Variants in NBEA observed in about 807,000 individuals in gnomAD.
NBEA encodes the protein lysosomal-trafficking regulator 2.
Under a neutral mutation model 343.4 loss-of-function variants are expected in NBEA, and 44 were observed. The observed-to-expected ratio is 0.13, with a 90% CI of 0.10 to 0.16. The LOEUF (loss-of-function observed/expected upper bound fraction) is 0.16, where lower values mean the gene tolerates loss of function less well. Ranked by LOEUF, NBEA falls within the 10% of genes least tolerant of loss-of-function variation. The pLI is 1.00. For synonymous variants in NBEA, 1,175 were observed against 1,238.7 expected (o/e 0.95, Z 1.08); for missense variants, 2,555 against 3,631.3 (o/e 0.70, Z 7.62).
chr13:35,241,174 C>T (rs1020525490), intron 34 of NBEA, among the ~76,000 whole-genome samples: 1 of 151,710 alleles, frequency 6.6e-6, no homozygotes, highest in East Asian at 1.9e-4. Flanking sequence ...ATGAAAAAAT[C>T]GAGTAATTTT....
chr13:35,250,922 A>C (rs1173029563), intron 34 of NBEA: 3 of 152,318 alleles, frequency 2.0e-5, no homozygotes, highest in Admixed American at 2.0e-4. Context: ...TATAAATGCC[A>C]ATCAAGATGA....
intron 36 of NBEA, among the ~76,000 whole-genome samples, chr13:35,315,665 A>G (rs561621485): frequency 6.6e-6 from 1 of 152,258 alleles, no homozygotes; most frequent in South Asian, 2.1e-4. Flanking sequence ...TTTAGCACTG[A>G]ATTTAAGCTA....
chr13:35,244,250 T>C (rs2030824466), intron 34 of NBEA, among the ~76,000 whole-genome samples: 1 of 151,868 alleles, frequency 6.6e-6, no homozygotes. Context: ...CAACATATTT[T>C]GAATATGCCA....
intron 39 of NBEA, among the ~76,000 whole-genome samples, chr13:35,439,272 A>G (rs942581434): frequency 2.6e-5 from 4 of 152,244 alleles, no homozygotes; most frequent in African/African-American, 7.2e-5. Context: ...AGTCCAGTGG[A>G]AAGGAATAAA....
chr13:35,380,810 C>G (rs9530522), intron 38 of NBEA, among the ~76,000 whole-genome samples: 146,118 of 152,216 alleles, frequency 0.96, 70,304 homozygotes, highest in Non-Finnish European at 1. Context: ...CAGTACACTG[C>G]AGTATGATAA....
intron 33 of NBEA, among the ~76,000 whole-genome samples, chr13:35,225,106 G>T (rs1024158936): frequency 6.6e-6 from 1 of 152,078 alleles, no homozygotes; most frequent in Admixed American, 6.6e-5. Flanking sequence ...ACACTATGTA[G>T]TCCCTTCTGC....
chr13:35,067,506 T>C (rs187487563), intron 8 of NBEA, among the ~76,000 whole-genome samples: 92 of 152,276 alleles, frequency 6.0e-4, no homozygotes, highest in African/African-American at 2.1e-3. Flanking sequence ...ATTATTTTTT[T>C]ATAAACTTAC....
At chr13:35,006,427 G>T (rs1253841651) in intron 1 of NBEA, among the ~76,000 whole-genome samples, 1 of 151,904 alleles carries the variant, frequency 6.6e-6, no homozygotes, top group East Asian at 1.9e-4. Context: ...CCCAAATTCA[G>T]TGCTATTGTT....
At chr13:35,476,036 A>G (rs1566190521) in intron 41 of NBEA, 2 of 1,614,202 alleles carry the variant, frequency 1.2e-6, no homozygotes, top group Admixed American at 1.7e-5. Context: ...ACTACTTTGC[A>G]GACTTCCCGG....
At chr13:35,258,596 A>C (rs943131464) in intron 34 of NBEA, among the ~76,000 whole-genome samples, 1 of 152,026 alleles carries the variant, frequency 6.6e-6, no homozygotes, top group African/African-American at 2.4e-5. Flanking sequence ...CAGTTTGTCA[A>C]CCCCATTCCT....
chr13:35,564,932 C>T (rs2080061142), intron 44 of NBEA, among the ~76,000 whole-genome samples: 1 of 152,184 alleles, frequency 6.6e-6, no homozygotes, highest in African/African-American at 2.4e-5. Flanking sequence ...CATCAACAAA[C>T]ATTTATTGGG....
Position 35,133,757 on chromosome 13 carries a change from C to T in NBEA, c.2337-8512C>T, listed in dbSNP as rs185188789. ...TACGTGAAGACAAAATTGTAAATTG[C>T]GTATGAATAGATATTCATCTAATTA... On this transcript the variant is annotated intron_variant, in intron 17 of 58. Transcript: ENST00000379939. Among the ~76,000 whole-genome samples the T allele has an allele frequency of 7.9e-5, 12 of 151,792 alleles. No homozygotes were observed. The East Asian group carries it at 1.7e-3, about 22-fold the overall frequency.
intron 39 of NBEA, among the ~76,000 whole-genome samples, chr13:35,434,409 C>T (rs532849416): frequency 7.2e-5 from 11 of 152,254 alleles, no homozygotes; most frequent in African/African-American, 2.6e-4. Flanking sequence ...AACCCATTAT[C>T]TATCCCTCTT....
In NBEA at chr13:35,139,526, C is replaced by A. The variant is rs1388128154; in HGVS notation, c.2337-2743C>A. Among the ~76,000 whole-genome samples, 3 of 152,022 alleles carry A rather than the reference C, an allele frequency of 2.0e-5. No homozygotes were observed. The South Asian group carries it at 6.2e-4, about 32-fold the overall frequency. ...ACTGTCGATCCATGTGGGCAGAAAT[C>A]CTGTCAAACTCAAGATATAAAGCAA... On this transcript the variant is annotated intron_variant, in intron 17 of 58. Coordinates refer to ENST00000379939, the MANE Select transcript of NBEA (RefSeq NM_001385012.1).
chr13:35,137,907 T>C (rs1215178994), intron 17 of NBEA, among the ~76,000 whole-genome samples: 1 of 152,240 alleles, frequency 6.6e-6, no homozygotes, highest in East Asian at 1.9e-4. Context: ...ATAGATTTTA[T>C]TCAAGAAAAT....
intron 52 of NBEA, among the ~76,000 whole-genome samples, chr13:35,650,657 G>A (rs1402653231): frequency 3.9e-5 from 6 of 152,066 alleles, no homozygotes; most frequent in African/African-American, 7.2e-5. Flanking sequence ...AGCTGAGATC[G>A]CGCCACTGCA....
At chr13:35,129,900 A>C (rs922073282) in intron 17 of NBEA, among the ~76,000 whole-genome samples, 7 of 152,124 alleles carry the variant, frequency 4.6e-5, no homozygotes, top group African/African-American at 1.4e-4. Flanking sequence ...ATTTTAGTAA[A>C]GAAAACAATA....
chr13:35,256,770 C>T (rs924192261), intron 34 of NBEA, among the ~76,000 whole-genome samples: 1 of 152,124 alleles, frequency 6.6e-6, no homozygotes, highest in African/African-American at 2.4e-5. Flanking sequence ...CTGGGTGTGG[C>T]CACAACTTTG....
chr13:35,152,779 T>C (rs1327732265), intron 18 of NBEA, among the ~76,000 whole-genome samples: 1 of 152,140 alleles, frequency 6.6e-6, no homozygotes, highest in Non-Finnish European at 1.5e-5. Flanking sequence ...ACACTTAAAA[T>C]GTGGCTGGTA....
Sources: gnomAD v4.1 joint callset for allele counts (sites outside exome capture counted in the v4.1 genomes callset) on GRCh38, gnomAD v4.1.1 for gene constraint, MANE v1.5 for transcripts, NCBI Gene and HGNC (gene_info 2026-07-23, HGNC 2026-07-21) for gene names.